NCKAP5: variants seen among roughly 807,000 people sequenced by gnomAD.
The protein encoded by NCKAP5 is nck-associated protein 5.
In NCKAP5, 92 loss-of-function variants were observed where a neutral mutation model predicts 167.0. The observed-to-expected ratio is 0.55, with a 90% CI of 0.47 to 0.66. NCKAP5 has a LOEUF of 0.66. NCKAP5 is among the 30% of genes least tolerant of loss of function. The probability of loss-of-function intolerance (pLI) is 0.00; values close to 1 mark genes in which losing one functional copy is unlikely to be tolerated. For missense variants in NCKAP5, 2,378 were observed against 2,315.0 expected, an observed-to-expected ratio of 1.03 and a Z score of -0.56; for synonymous variants, 891 against 877.4, an observed-to-expected ratio of 1.02 and a Z score of -0.27.
intron 3 of NCKAP5, among the ~76,000 whole-genome samples, chr2:133,306,316 T>C (rs1680774906): frequency 6.6e-6 from 1 of 151,826 alleles, no homozygotes; most frequent in African/African-American, 2.4e-5. Context: ...TCCAGAGAGA[T>C]TTTTTCAGAG....
chr2:133,050,278 T>C (rs1255801343), intron 6 of NCKAP5, among the ~76,000 whole-genome samples: 1 of 151,598 alleles, frequency 6.6e-6, no homozygotes, highest in Non-Finnish European at 1.5e-5. Flanking sequence ...TGACTGTGTA[T>C]AGAAGATTCA....
chr2:133,580,626 A>G, the NCKAP5 span, among the ~76,000 whole-genome samples: 1 of 152,190 alleles, frequency 6.6e-6, no homozygotes, highest in African/African-American at 2.4e-5. Context: ...GTACTCACTT[A>G]GAACAAATCA....
intron 4 of NCKAP5, among the ~76,000 whole-genome samples, chr2:133,238,027 A>G (rs915606074): frequency 2.6e-5 from 4 of 152,198 alleles, no homozygotes; most frequent in South Asian, 4.1e-4. Context: ...ACTGTGGCCA[A>G]TGAAAACTTG....
rs553854281 is a variant in NCKAP5 at position 133,186,673 on chromosome 2, A to T, written c.207+27043T>A. On this transcript the variant is annotated intron_variant, in intron 5 of 19. Coordinates refer to ENST00000409261, the MANE Select transcript of NCKAP5 (RefSeq NM_207363.3). ...AGATTTTCACTTTTTTCCTGGTTCA[A>T]TCTTGGGAGGCTGTGTGTTTCCAGG... Among the ~76,000 whole-genome samples the T allele has an allele frequency of 4.6e-5, 7 of 151,894 alleles. No homozygotes were observed. In the East Asian group the frequency reaches 1.4e-3, roughly 29 times the overall value.
intron 3 of NCKAP5, among the ~76,000 whole-genome samples, chr2:133,499,887 T>A (rs1682339491): frequency 6.6e-6 from 1 of 152,316 alleles, no homozygotes; most frequent in South Asian, 2.1e-4. Context: ...AATTCTTTGA[T>A]TTTTCAGAAA....
At chr2:132,711,651 T>C (rs1688854168) in intron 19 of NCKAP5, among the ~76,000 whole-genome samples, 1 of 152,204 alleles carries the variant, frequency 6.6e-6, no homozygotes, top group Non-Finnish European at 1.5e-5. Context: ...GAGTATAGTC[T>C]TTATCCATAA....
At chr2:133,660,722 T>C in the NCKAP5 span, among the ~76,000 whole-genome samples, 2 of 152,146 alleles carry the variant, frequency 1.3e-5, no homozygotes, top group African/African-American at 4.8e-5. Context: ...ATGCACATGT[T>C]CCCTTTGCTG....
chr2:133,611,232 C>T, the NCKAP5 span, among the ~76,000 whole-genome samples: 1 of 152,124 alleles, frequency 6.6e-6, no homozygotes, highest in African/African-American at 2.4e-5. Context: ...GATGTTGCAT[C>T]TCTCAGAGAC....
chr2:133,606,669 C>T, the NCKAP5 span, among the ~76,000 whole-genome samples: 1 of 148,088 alleles, frequency 6.8e-6, no homozygotes. Context: ...CCAAGTTTCC[C>T]AGGAGATCCT....
chr2:132,970,413 A>G (rs1408478488), intron 7 of NCKAP5, among the ~76,000 whole-genome samples: 1 of 152,224 alleles, frequency 6.6e-6, no homozygotes, highest in African/African-American at 2.4e-5. Context: ...AAAGTTGAAG[A>G]GAATAAGTTG....
At position 132,784,229 on chromosome 2, in the gene NCKAP5, G is replaced by A. The variant is rs745759562; in HGVS notation, c.2582C>T (p.Ser861Leu). 6.3e-7 allele frequency: 1 copy of A among 1,598,466 alleles called. No individual in the cohort carries two copies. The highest frequency in any genetic ancestry group is 8.5e-7 in the Non-Finnish European group (1 of 1,173,702). The change falls in exon 14 of 20, where the codon TCA becomes TTA. Residue 861 changes from serine to leucine, a missense_variant. Ser to Leu is a moderately radical substitution (Grantham distance 145). Transcript: ENST00000409261. The stretch of plus-strand genomic sequence containing the variant: ...GGAATGTTTTGGAATGTGTGGATCT[G>A]ATCGTAATTCAAAGAGGGGCCCTGA... ...ESSGPLFELR[S>L]DPHIPKHSAQ... is the part of the protein sequence containing the mutation.
At chr2:133,132,740 G>C (rs1243780264) in intron 5 of NCKAP5, among the ~76,000 whole-genome samples, 1 of 149,414 alleles carries the variant, frequency 6.7e-6, no homozygotes, top group Non-Finnish European at 1.5e-5. Flanking sequence ...GCAGTGGCGC[G>C]ATCTCAGCTC....
chr2:132,910,728 T>C (rs1371223359), intron 8 of NCKAP5, among the ~76,000 whole-genome samples: 2 of 152,226 alleles, frequency 1.3e-5, no homozygotes, highest in Admixed American at 1.3e-4. Context: ...TACATTGCAA[T>C]TCATTTTTTT....
At chr2:132,789,864 G>T (rs1683909338) in intron 13 of NCKAP5, among the ~76,000 whole-genome samples, 159 bp downstream of exon 13, 1 of 152,132 alleles carries the variant, frequency 6.6e-6, no homozygotes, top group Non-Finnish European at 1.5e-5. Flanking sequence ...GTTTTATGAG[G>T]CTATAGCATT....
chr2:133,467,074 C>A (rs1297275699), intron 3 of NCKAP5, among the ~76,000 whole-genome samples: 5 of 151,966 alleles, frequency 3.3e-5, no homozygotes, highest in Non-Finnish European at 7.4e-5. Flanking sequence ...GAGAGGGCAT[C>A]CCTGTCTTGT....
chr2:133,518,483 T>C (rs1304439743), intron 2 of NCKAP5, among the ~76,000 whole-genome samples: 2 of 149,186 alleles, frequency 1.3e-5, no homozygotes, highest in Non-Finnish European at 3.0e-5. Flanking sequence ...GCCTCCCGAG[T>C]AGCTGGGACT....
At chr2:133,201,266 G>C (rs922873765) in intron 5 of NCKAP5, among the ~76,000 whole-genome samples, 2 of 151,984 alleles carry the variant, frequency 1.3e-5, no homozygotes, top group African/African-American at 4.8e-5. Context: ...TACTCAGCAG[G>C]GCACACAATT....
At chr2:133,652,405 G>A in the NCKAP5 span, among the ~76,000 whole-genome samples, 31 of 152,306 alleles carry the variant, frequency 2.0e-4, no homozygotes, top group African/African-American at 7.0e-4. Flanking sequence ...ATGTAGTCAC[G>A]TACATAAATG....
chr2:133,226,521 TAATC>T (rs2086898250), intron 4 of NCKAP5, among the ~76,000 whole-genome samples: 2 of 151,446 alleles, frequency 1.3e-5, no homozygotes, highest in Admixed American at 6.6e-5. Flanking sequence ...TTTACAGAGT[TAATC>T]AATTTTAAAT....
Sources: gnomAD v4.1 joint callset for allele counts (sites outside exome capture counted in the v4.1 genomes callset) on GRCh38, gnomAD v4.1.1 for gene constraint, MANE v1.5 for transcripts, NCBI Gene and HGNC (gene_info 2026-07-23, HGNC 2026-07-21) for gene names.